The following NEDD4 variants were observed in gnomAD, a reference collection of about 807,000 sequenced individuals.
The protein encoded by NEDD4 is NEDD4 E3 ubiquitin protein ligase.
NEDD4 carries 99 observed loss-of-function variants against 144.9 expected under a neutral mutation model. The ratio of observed to expected loss-of-function variants is 0.68; its 90% confidence interval spans 0.58 to 0.81. The LOEUF is 0.81. NEDD4 is among the 30% of genes least tolerant of loss of function. The pLI, the probability that NEDD4 is intolerant of heterozygous loss-of-function variation, is 0.00. For missense variants in NEDD4, 985 were observed against 1,065.9 expected (o/e 0.92, Z 1.06); for synonymous variants, 318 against 350.6 (o/e 0.91, Z 1.04).
chr15:55,882,906 A>G (rs2035246260), intron 5 of NEDD4, among the ~76,000 whole-genome samples: 1 of 152,232 alleles, frequency 6.6e-6, no homozygotes, highest in East Asian at 1.9e-4. Flanking sequence ...GATAGTATAC[A>G]TCATGGGCCT....
chr15:55,868,730 A>G (rs985442422), intron 8 of NEDD4, among the ~76,000 whole-genome samples: 3 of 152,194 alleles, frequency 2.0e-5, no homozygotes, highest in Non-Finnish European at 4.4e-5. Context: ...ATGAAAATGG[A>G]CTAACACAGC....
chr15:55,902,404 G>C (rs1235423337), intron 5 of NEDD4, among the ~76,000 whole-genome samples: 1 of 152,152 alleles, frequency 6.6e-6, no homozygotes, highest in Non-Finnish European at 1.5e-5. Flanking sequence ...TGTCACGACT[G>C]CATGGTGGCT....
intron 21 of NEDD4, among the ~76,000 whole-genome samples, chr15:55,839,657 T>C (rs1595730581): frequency 6.6e-6 from 1 of 152,014 alleles, no homozygotes; most frequent in East Asian, 1.9e-4. Context: ...ACCATAACGC[T>C]TTGCCTTTCG....
intron 5 of NEDD4, among the ~76,000 whole-genome samples, chr15:55,913,244 C>T (rs2036331847): frequency 6.6e-6 from 1 of 151,968 alleles, no homozygotes; most frequent in Non-Finnish European, 1.5e-5. Context: ...GAATACTAAC[C>T]CAGACTAACT....
chr15:55,867,458 G>A (rs2034624599), intron 8 of NEDD4, among the ~76,000 whole-genome samples: 1 of 152,184 alleles, frequency 6.6e-6, no homozygotes, highest in Admixed American at 6.5e-5. Flanking sequence ...GTGCATGTGG[G>A]CAAAACTTGG....
chr15:55,882,677 T>C (rs1424250255), intron 5 of NEDD4, among the ~76,000 whole-genome samples: 1 of 152,174 alleles, frequency 6.6e-6, no homozygotes, highest in Non-Finnish European at 1.5e-5. Context: ...GCAGGTGATC[T>C]AGTGAGACAC....
chr15:55,945,640 A>G (rs1203738373), intron 4 of NEDD4, among the ~76,000 whole-genome samples: 3 of 152,210 alleles, frequency 2.0e-5, no homozygotes, highest in Non-Finnish European at 4.4e-5. Flanking sequence ...ACAACATTCA[A>G]ATTCAGGAAA....
chr15:55,915,966 C>T (rs749479659), intron 5 of NEDD4: 5 of 1,613,642 alleles, frequency 3.1e-6, no homozygotes, highest in Non-Finnish European at 4.2e-6. Flanking sequence ...GGATCCTTTG[C>T]TCAGAAGAGT....
chr15:55,935,157 C>T (rs2036861585), intron 4 of NEDD4, among the ~76,000 whole-genome samples: 1 of 152,024 alleles, frequency 6.6e-6, no homozygotes, highest in Non-Finnish European at 1.5e-5. Context: ...CATGAGCCAC[C>T]ATGTCTGGCC....
At chr15:55,920,917 T>A (rs1471833757) in intron 5 of NEDD4, among the ~76,000 whole-genome samples, 1 of 151,648 alleles carries the variant, frequency 6.6e-6, no homozygotes, top group Non-Finnish European at 1.5e-5. Flanking sequence ...CTAATTATCT[T>A]TGGCTCTTTG....
rs1325831136 is a variant in NEDD4 at position 55,827,191 on chromosome 15, C to A, written c.*2706G>T. 1 of 152,160 alleles carries A rather than the reference C, an allele frequency of 6.6e-6. No homozygotes were observed. The highest frequency in any genetic ancestry group is 1.5e-5 in the Non-Finnish European group (1 of 68,040). The allele number at this position is 152,160 out of a possible 1,614,324, so 9.4% of individuals were successfully genotyped here. A position where few individuals can be genotyped will look rare whatever the true frequency, so the allele number is the denominator to read the frequency against. ...GTTCTGATGAAATGCATTTGTAATACAATTTTGTTAAAAATTTTTAATAAG... is the reference window on the plus strand; with the variant it reads ...GTTCTGATGAAATGCATTTGTAATAAAATTTTGTTAAAAATTTTTAATAAG... On this transcript the variant is annotated 3_prime_UTR_variant, in exon 29 of 29. Transcript: ENST00000435532.
At position 55,951,609 on chromosome 15, in the gene NEDD4, A is replaced by C; in HGVS notation, c.120-20T>G. On this transcript the variant is annotated intron_variant, in intron 2 of 28. Transcript: ENST00000435532. ...GGATCACTGTTAAAAAAAAAAAAAA[A>C]AAGAAAGAAAAATTTTAATTATTGC... The C allele has an allele frequency of 6.9e-7, 1 of 1,452,614 alleles. No individual in the cohort carries two copies. Among genetic ancestry groups the C allele is most frequent in the Non-Finnish European group, 9.1e-7 (1 of 1,101,848 alleles). 90.0% of individuals were successfully genotyped at this position (1,452,614 alleles called of 1,614,324 possible). A position where few individuals can be genotyped will look rare whatever the true frequency, so the allele number is the denominator to read the frequency against.
intron 1 of NEDD4, among the ~76,000 whole-genome samples, chr15:55,989,635 G>A (rs371600515): frequency 6.6e-6 from 1 of 152,218 alleles, no homozygotes; most frequent in Non-Finnish European, 1.5e-5. Context: ...CGATAGCGGA[G>A]ACTCTGAACT....
intron 2 of NEDD4, 38 bp downstream of exon 2, chr15:55,966,435 C>T (rs1212126913): frequency 1.6e-6 from 2 of 1,290,102 alleles, no homozygotes; most frequent in Admixed American, 2.9e-5. Flanking sequence ...TTAACAAATG[C>T]AAAGTTTTAA....
rs71110357 is a variant in NEDD4, at chr15:55,965,653, G to GGTATGTATGTATGTAT, written c.119+804_119+819dup. Among the ~76,000 whole-genome samples the GGTATGTATGTATGTAT allele has an allele frequency of 1.6e-3, 241 of 150,186 alleles. 1 individual carries two copies. Among genetic ancestry groups the GGTATGTATGTATGTAT allele is most frequent in the African/African-American group, 5.1e-3 (208 of 40,812 alleles). ...CCACAACAACTTACTAATACTATTT[G>GGTATGTATGTATGTAT]GTATGTATGTATGTATGTATGTATG... On this transcript the variant is annotated intron_variant, in intron 2 of 28. Coordinates refer to ENST00000435532, the MANE Select transcript of NEDD4 (RefSeq NM_006154.4).
chr15:55,849,894 G>A (rs1157053341), intron 14 of NEDD4, among the ~76,000 whole-genome samples: 3 of 151,450 alleles, frequency 2.0e-5, no homozygotes, highest in Admixed American at 2.0e-4. Flanking sequence ...CTGGGTTCAT[G>A]CCATTCTCTA....
At chr15:55,973,739 G>A (rs2037653208) in intron 1 of NEDD4, among the ~76,000 whole-genome samples, 1 of 150,930 alleles carries the variant, frequency 6.6e-6, no homozygotes, top group South Asian at 2.1e-4. Flanking sequence ...AATAATAATG[G>A]AAACACAACA....
At chr15:55,981,016 G>A (rs2037792631) in intron 1 of NEDD4, among the ~76,000 whole-genome samples, 1 of 151,236 alleles carries the variant, frequency 6.6e-6, no homozygotes, top group Non-Finnish European at 1.5e-5. Flanking sequence ...AAAAAAAATT[G>A]CTAGGGAGGG....
chr15:55,946,779 T>G (rs1366165032), intron 4 of NEDD4, among the ~76,000 whole-genome samples: 2 of 152,128 alleles, frequency 1.3e-5, no homozygotes, highest in Admixed American at 6.6e-5. Flanking sequence ...TCAGCAAATG[T>G]AAAAGAACAG....
Sources: allele counts gnomAD v4.1 joint callset (sites outside exome capture counted in the v4.1 genomes callset), GRCh38; gene constraint gnomAD v4.1.1; transcripts MANE v1.5; gene names NCBI Gene and HGNC (gene_info 2026-07-23, HGNC 2026-07-21).